Variants in RB1CC1 observed in about 807,000 individuals in gnomAD.
RB1CC1 encodes RB1-inducible coiled-coil protein 1.
In RB1CC1, 46 loss-of-function variants were observed where a neutral mutation model predicts 177.5. The observed-to-expected ratio is 0.26, with a 90% CI of 0.20 to 0.33. The LOEUF (loss-of-function observed/expected upper bound fraction) is 0.33, where lower values mean the gene tolerates loss of function less well. Ranked by LOEUF, RB1CC1 falls within the 10% of genes least tolerant of loss-of-function variation. The probability of loss-of-function intolerance (pLI) is 1.00; values close to 1 mark genes in which losing one functional copy is unlikely to be tolerated. For synonymous variants in RB1CC1, 666 were observed against 613.6 expected (o/e 1.09, Z -1.26); for missense variants, 1,703 against 1,816.3 (o/e 0.94, Z 1.13).
chr8:52,651,416 C>A (rs1391404478), intron 15 of RB1CC1, among the ~76,000 whole-genome samples: 1 of 152,176 alleles, frequency 6.6e-6, no homozygotes, highest in Non-Finnish European at 1.5e-5. Flanking sequence ...GGATAGAGGC[C>A]ATTTGGCCCA....
chr8:52,701,928 C>T (rs1377240380), intron 1 of RB1CC1, among the ~76,000 whole-genome samples: 2 of 152,154 alleles, frequency 1.3e-5, no homozygotes, highest in Non-Finnish European at 2.9e-5. Context: ...CTGCCTCAGC[C>T]TCCCAAGTAG....
At chr8:52,668,282 A>C in intron 7 of RB1CC1, 91 bp from the exon 8 acceptor site, 1 of 1,420,032 alleles carries the variant, frequency 7.0e-7, no homozygotes, top group Admixed American at 2.2e-5. Context: ...TTGAGAGAAA[A>C]TAAGTGATAA....
At chr8:52,668,269 A>G in intron 7 of RB1CC1, 78 bp from the exon 8 acceptor site, 1 of 1,482,468 alleles carries the variant, frequency 6.7e-7, no homozygotes, top group Non-Finnish European at 9.1e-7. Flanking sequence ...TCTGACATAC[A>G]GCTTGAGAGA....
intron 8 of RB1CC1, 52 bp from the exon 9 acceptor site, chr8:52,661,771 A>G (rs755726900): frequency 2.2e-6 from 3 of 1,349,554 alleles, no homozygotes; most frequent in Admixed American, 2.6e-5. Flanking sequence ...CATGAAAGGT[A>G]TGGACATTCA....
Position 52,657,326 on chromosome 8 carries a change from T to C in RB1CC1, c.2503A>G (p.Asn835Asp). The C allele has an allele frequency of 1.9e-6, 3 of 1,613,344 alleles. No homozygotes were observed. Among genetic ancestry groups the C allele is most frequent in the Non-Finnish European group, 2.5e-6 (3 of 1,179,370 alleles). The change falls in exon 15 of 24, where the codon AAT becomes GAT. Residue 835 changes from asparagine to aspartate, a missense_variant. Coordinates refer to ENST00000025008, the MANE Select transcript of RB1CC1 (RefSeq NM_014781.5). ...FVQKEQCDFS[N>D]SLKCTAVEIR... ...TCTACTGCTGTACATTTTAATGAATTTGAGAAGTCACACTGTTCTTTTTGT... is the reference window on the plus strand; with the variant it reads ...TCTACTGCTGTACATTTTAATGAATCTGAGAAGTCACACTGTTCTTTTTGT...
rs559989467 is a variant in RB1CC1, at chr8:52,696,397, G to A, written c.-166-9430C>T. ...AAGTGGCTAATGCTAAATGTCTAAA[G>A]TAGAAAATGTACCAATCACATAAGC... On this transcript the variant is annotated intron_variant, in intron 1 of 23. Coordinates refer to ENST00000025008, the MANE Select transcript of RB1CC1 (RefSeq NM_014781.5). Among the ~76,000 whole-genome samples, 3 of 152,256 alleles carry A rather than the reference G, an allele frequency of 2.0e-5. No homozygotes were observed. The East Asian group carries it at 5.8e-4, about 29-fold the overall frequency.
intron 1 of RB1CC1, among the ~76,000 whole-genome samples, chr8:52,695,438 G>A (rs1000575217): frequency 6.6e-6 from 1 of 152,216 alleles, no homozygotes; most frequent in Admixed American, 6.5e-5. Context: ...CTGACAGATA[G>A]AACTGTGTTT....
chr8:52,675,695 C>A (rs1853040946), intron 6 of RB1CC1, among the ~76,000 whole-genome samples: 1 of 146,740 alleles, frequency 6.8e-6, no homozygotes, highest in Admixed American at 6.8e-5. Context: ...ACGGTGAAAC[C>A]CCATCTCTAC....
Position 52,661,154 on chromosome 8 carries a change from A to C in RB1CC1, c.1486T>G (p.Tyr496Asp). 1 of 1,613,938 alleles carries C rather than the reference A, an allele frequency of 6.2e-7. No homozygotes were observed. The highest frequency in any genetic ancestry group is 8.5e-7 in the Non-Finnish European group (1 of 1,179,888). Residue 496 changes from tyrosine (Y) to aspartate (D), a missense_variant, in exon 10 of 24, where the codon TAC becomes GAC. This residue lies in a region of RB1CC1 where 1,169 missense variants were observed against 1,184.7 expected (regional missense o/e 0.99). Coordinates refer to ENST00000025008, the MANE Select transcript of RB1CC1 (RefSeq NM_014781.5). ...VEALSTVPQM[Y>D]CLAVVEVVRR... ...ACAACCTCAACAACAGCTAAGCAGT[A>C]CATCTGAGGAACTGTACTAAGAGCT...
At chr8:52,672,035 G>T (rs1055816344) in intron 7 of RB1CC1, among the ~76,000 whole-genome samples, 2 of 152,116 alleles carry the variant, frequency 1.3e-5, no homozygotes, top group Admixed American at 6.6e-5. Flanking sequence ...AGATGTTGTT[G>T]CTATGCCCTA....
At chr8:52,626,361 A>G (rs1376383119) in intron 22 of RB1CC1, among the ~76,000 whole-genome samples, 2 of 152,190 alleles carry the variant, frequency 1.3e-5, no homozygotes, top group Admixed American at 1.3e-4. Flanking sequence ...TGTTTCCCAG[A>G]TTTAAACACT....
intron 1 of RB1CC1, among the ~76,000 whole-genome samples, chr8:52,704,468 A>AC (rs1856379832): frequency 8.6e-6 from 1 of 116,298 alleles, no homozygotes. Context: ...AAAAAAAAAA[A>AC]AAAAAACACA....
At position 52,657,237 on chromosome 8, in the gene RB1CC1, T is replaced by C. The variant is rs761222731; in HGVS notation, c.2592A>G (p.Gln864=). The C allele has an allele frequency of 5.6e-6, 9 of 1,594,350 alleles. No individual in the cohort carries two copies. The South Asian group carries it at 1.0e-4, about 18-fold the overall frequency. Residue 864 remains glutamine, a synonymous_variant, in exon 15 of 24, where the codon CAA becomes CAG. Coordinates refer to ENST00000025008, the MANE Select transcript of RB1CC1 (RefSeq NM_014781.5). ...CATTTTTTAAAGACAGTAGTTCTTT[T>C]TGATGTTTTTCTTTTAGTGTTATTT... ...SLEITLKEKH[Q]KELLSLKNEY...
At chr8:52,686,569 A>C in intron 2 of RB1CC1, among the ~76,000 whole-genome samples, 1 of 152,168 alleles carries the variant, frequency 6.6e-6, no homozygotes, top group Non-Finnish European at 1.5e-5. Flanking sequence ...AAAGAAAAAA[A>C]ACTTAAAATA....
chr8:52,700,168 T>C (rs921544162), intron 1 of RB1CC1, among the ~76,000 whole-genome samples: 9 of 152,074 alleles, frequency 5.9e-5, no homozygotes, highest in African/African-American at 2.2e-4. Context: ...AAGAGGTAAC[T>C]GAAACACTCT....
At chr8:52,629,959 G>C (rs1283526786) in intron 21 of RB1CC1, among the ~76,000 whole-genome samples, 1 of 152,048 alleles carries the variant, frequency 6.6e-6, no homozygotes, top group Non-Finnish European at 1.5e-5. Flanking sequence ...TGTTCTCAGG[G>C]GCTCCTGAGG....
rs1172816644 is a variant in RB1CC1, at chr8:52,686,842, CTG to C, written c.-52+9_-52+10del. The C allele has an allele frequency of 4.5e-6, 2 of 447,150 alleles. No homozygotes were observed. Among genetic ancestry groups the C allele is most frequent in the East Asian group, 7.0e-5 (1 of 14,330 alleles). 27.7% of individuals were successfully genotyped at this position (447,150 alleles called of 1,614,324 possible). ...TTAAACTCTGCTATACAGGTAGAAA[CTG>C]TGACTTACCGTCAGGCACTGTGAAA... is the stretch of plus-strand genomic sequence containing the variant. On this transcript the variant is annotated intron_variant, in intron 2 of 23. Transcript: ENST00000025008.
Position 52,640,307 on chromosome 8 carries a change from T to C in RB1CC1, c.4337+2044A>G, listed in dbSNP as rs142377740. 5.6e-3 allele frequency among the ~76,000 whole-genome samples: 848 copies of C among 152,198 alleles called. 11 individuals carry two copies. The highest frequency in any genetic ancestry group is 7.9e-3 in the Non-Finnish European group (538 of 68,000). On this transcript the variant is annotated intron_variant, in intron 18 of 23. Coordinates refer to ENST00000025008, the MANE Select transcript of RB1CC1 (RefSeq NM_014781.5). ...CAACGGGTACAAAGCTACAGCCAGA[T>C]AGGAGGAATAAGTTTTGGTGTTCAA... is the stretch of plus-strand genomic sequence containing the variant.
Position 52,623,202 on chromosome 8 carries a change from T to TC in RB1CC1, c.*579dup, listed in dbSNP as rs933198381. On this transcript the variant is annotated 3_prime_UTR_variant, in exon 24 of 24. Coordinates refer to ENST00000025008, the MANE Select transcript of RB1CC1 (RefSeq NM_014781.5). ...TAAAATCAGTCAATCAAATTACAGT[T>TC]CCTTTTTTTTTTTGAAACATCAAAG... 3 of 138,102 alleles carry TC rather than the reference T, an allele frequency of 2.2e-5. No homozygotes were observed. The highest frequency in any genetic ancestry group is 8.9e-5 in the African/African-American group (3 of 33,524). The allele number at this position is 138,102 out of a possible 1,614,324, so 8.6% of individuals were successfully genotyped here. A position where few individuals can be genotyped will look rare whatever the true frequency, so the allele number is the denominator to read the frequency against.
Sources: allele counts gnomAD v4.1 joint callset (sites outside exome capture counted in the v4.1 genomes callset), GRCh38; gene constraint gnomAD v4.1.1; regional missense constraint gnomAD v4.1.1; transcripts MANE v1.5; gene names NCBI Gene and HGNC (gene_info 2026-07-23, HGNC 2026-07-21).